The following APOC2 variants were observed in gnomAD, a reference collection of about 807,000 sequenced individuals.
APOC2 encodes the protein apolipoprotein C2, also known as apolipoprotein C-II.
APOC2 carries 6 observed loss-of-function variants against 10.2 expected under a neutral mutation model. The observed-to-expected ratio is 0.59, with a 90% CI of 0.32 to 1.16. The LOEUF is 1.16. Ranked by LOEUF, APOC2 falls within the 50% of genes most tolerant of loss-of-function variation. APOC2 has a pLI of 0.05. For synonymous variants in APOC2, 56 were observed against 48.5 expected (o/e 1.15, Z -0.64); for missense variants, 110 against 117.6 (o/e 0.94, Z 0.30).
intron 1 of APOC2, chr19:44,947,153 GA>G (rs113329239): frequency 9.4e-5 from 14 of 148,772 alleles, no homozygotes; most frequent in Non-Finnish European, 1.2e-4. Flanking sequence ...CCTTGTCTTG[GA>G]AAAAAAAAAA....
rs375614714 is a variant in APOC2, at chr19:44,949,270, G to T, written c.*21G>T. 11 of 1,605,022 alleles carry T rather than the reference G, an allele frequency of 6.9e-6. No homozygotes were observed. Among genetic ancestry groups the T allele is most frequent in the Non-Finnish European group, 9.4e-6 (11 of 1,173,764 alleles). On this transcript the variant is annotated 3_prime_UTR_variant, in exon 4 of 4. Transcript: ENST00000252490. ...AGTAACAGCCAGACCCCCCATCAGT[G>T]GACAAGGGGAGAGTCCCCTACTCCC...
intron 1 of APOC2, among the ~76,000 whole-genome samples, chr19:44,947,641 T>TAAAA (rs1970336577): frequency 6.6e-6 from 1 of 151,708 alleles, no homozygotes; most frequent in African/African-American, 2.4e-5. Flanking sequence ...TACAAAAGAA[T>TAAAA]AAAAATTAGC....
intron 1 of APOC2, chr19:44,947,093 G>C (rs1010545814): frequency 6.6e-6 from 1 of 151,888 alleles, no homozygotes; most frequent in East Asian, 1.9e-4. Context: ...CAGAGGTTGC[G>C]GTGAGCCAAA....
intron 1 of APOC2, among the ~76,000 whole-genome samples, 159 bp downstream of exon 1, chr19:44,946,234 T>TGTGTGTGTGTGTGTGTGTGTGAGA (rs1236986911): frequency 2.3e-5 from 3 of 132,834 alleles, no homozygotes; most frequent in African/African-American, 8.9e-5. Context: ...TGTGTGTGTG[T>TGTGTGTGTGTGTGTGTGTGTGAGA]GAGAGAGAGA....
chr19:44,948,944 C>T, intron 3 of APOC2, 84 bp downstream of exon 3: 1 of 1,577,500 alleles, frequency 6.3e-7, no homozygotes, highest in Admixed American at 1.7e-5. Flanking sequence ...CCAGCCCCTC[C>T]TCCCTCAGAC....
At chr19:44,946,442 A>T (rs764801813) in intron 1 of APOC2, among the ~76,000 whole-genome samples, 21 of 152,238 alleles carry the variant, frequency 1.4e-4, no homozygotes, top group African/African-American at 2.4e-4. Context: ...GGATCCCTTG[A>T]GCCCAGGAGT....
At position 44,948,551 on chromosome 19, in the gene APOC2, G is replaced by A. The variant is rs769051134; in HGVS notation, c.55+18G>A. ...GGGATTTGGTGAGTGTGGGCTTCCGGGGAGGGAAGCCTTGGGGAGGGGAAT... is the reference window on the plus strand; with the variant it reads ...GGGATTTGGTGAGTGTGGGCTTCCGAGGAGGGAAGCCTTGGGGAGGGGAAT... On this transcript the variant is annotated intron_variant, in intron 2 of 3. Coordinates refer to ENST00000252490, the MANE Select transcript of APOC2 (RefSeq NM_000483.5). 1 of 1,612,870 alleles carries A rather than the reference G, an allele frequency of 6.2e-7. No individual in the cohort carries two copies. The highest frequency in any genetic ancestry group is 1.3e-5 in the African/African-American group (1 of 74,862).
chr19:44,948,093 C>T (rs1197412730), intron 1 of APOC2, among the ~76,000 whole-genome samples: 1 of 149,686 alleles, frequency 6.7e-6, no homozygotes, highest in African/African-American at 2.5e-5. Flanking sequence ...CAAAAATCAG[C>T]CGGGTGGTGG....
Position 44,949,192 on chromosome 19 carries a change from C to G in APOC2, c.249C>G (p.Ser83Arg). ...DLYSKSTAAM[S>R]TYTGIFTDQV... is the part of the protein sequence containing the mutation. ...ACAGCAAAAGCACAGCAGCCATGAG[C>G]ACTTACACAGGCATTTTTACTGACC... The change falls in exon 4 of 4, where the codon AGC (serine) becomes AGG (arginine). Residue 83 changes from serine (S) to arginine (R), a missense_variant. Physicochemically the swap from Ser to Arg is moderately radical, Grantham distance 110 (BLOSUM62 -1). Transcript: ENST00000252490. The G allele has an allele frequency of 6.2e-7, 1 of 1,614,094 alleles. No individual in the cohort carries two copies. The highest frequency in any genetic ancestry group is 8.5e-7 in the Non-Finnish European group (1 of 1,180,008).
At chr19:44,947,576 G>C (rs971353740) in intron 1 of APOC2, among the ~76,000 whole-genome samples, 1 of 151,966 alleles carries the variant, frequency 6.6e-6, no homozygotes, top group East Asian at 1.9e-4. Context: ...TGGGAGGATC[G>C]CTTGAGCCCA....
intron 1 of APOC2, chr19:44,947,170 G>A (rs1970331520): frequency 6.6e-6 from 1 of 150,542 alleles, no homozygotes; most frequent in African/African-American, 2.5e-5. Flanking sequence ...AAAAAGAATT[G>A]TAGACCATTT....
intron 1 of APOC2, among the ~76,000 whole-genome samples, chr19:44,947,562 G>A (rs951948673): frequency 2.0e-5 from 3 of 152,058 alleles, no homozygotes; most frequent in Non-Finnish European, 4.4e-5. Flanking sequence ...TGGGGAGGCC[G>A]AGATGGGAGG....
In APOC2 at chr19:44,946,060, A is replaced by G. The variant is rs375551203; in HGVS notation, c.-29A>G. The G allele has an allele frequency of 3.3e-5, 5 of 152,498 alleles. No homozygotes were observed. Among genetic ancestry groups the G allele is most frequent in the African/African-American group, 1.2e-4 (5 of 41,568 alleles). The allele number at this position is 152,498 out of a possible 1,614,324, so 9.4% of individuals were successfully genotyped here. A position where few individuals can be genotyped will look rare whatever the true frequency, so the allele number is the denominator to read the frequency against. On this transcript the variant is annotated 5_prime_UTR_variant, in exon 1 of 4. Coordinates refer to ENST00000252490, the MANE Select transcript of APOC2 (RefSeq NM_000483.5). The stretch of plus-strand genomic sequence containing the variant: ...GTGCCCGTCCGGAGCTGGTGAGGAC[A>G]GCCTGCCAGAGTCTGGTAAGAAAGG...
At chr19:44,946,558 A>G (rs989410578) in intron 1 of APOC2, among the ~76,000 whole-genome samples, 1 of 152,138 alleles carries the variant, frequency 6.6e-6, no homozygotes, top group Non-Finnish European at 1.5e-5. Context: ...ACAATGGCTC[A>G]TGCCTGTAAT....
chr19:44,946,234 TGAGA>T (rs1555793404), intron 1 of APOC2, among the ~76,000 whole-genome samples, 159 bp downstream of exon 1: 1 of 132,836 alleles, frequency 7.5e-6, no homozygotes, highest in African/African-American at 3.0e-5. Context: ...TGTGTGTGTG[TGAGA>T]GAGAGAGAGA....
Position 44,948,485 on chromosome 19 carries a change from A to G in APOC2, c.7A>G (p.Thr3Ala). Reference protein sequence around the residue: MGTRLLPALFLVL... With the variant: MGARLLPALFLVL... Reference sequence around the variant, plus strand: ...TTCCAGGTCTCTGGACACTATGGGCACACGACTCCTCCCAGCTCTGTTTCT... The same window carrying G: ...TTCCAGGTCTCTGGACACTATGGGCGCACGACTCCTCCCAGCTCTGTTTCT... Residue 3 changes from threonine to alanine, a missense_variant, in exon 2 of 4, where the codon ACA becomes GCA. Transcript: ENST00000252490. 1.2e-6 allele frequency: 2 copies of G among 1,614,032 alleles called. No individual in the cohort carries two copies. The highest frequency in any genetic ancestry group is 1.7e-6 in the Non-Finnish European group (2 of 1,179,976).
Position 44,949,165 on chromosome 19 carries a change from G to A in APOC2, c.222G>A (p.Leu74=). 1 of 1,613,220 alleles carries A rather than the reference G, an allele frequency of 6.2e-7. No individual in the cohort carries two copies. Among genetic ancestry groups the A allele is most frequent in the Non-Finnish European group, 8.5e-7 (1 of 1,179,702 alleles). ...ATCTGTGCTTTCTCCCCAGGGACTT[G>A]TACAGCAAAAGCACAGCAGCCATGA... ...LPAVDEKLRD[L]YSKSTAAMST... Residue 74 remains leucine (L), a synonymous_variant, in exon 4 of 4, where the codon TTG becomes TTA. Transcript: ENST00000252490.
At position 44,949,285 on chromosome 19, in the gene APOC2, C is replaced by G; in HGVS notation, c.*36C>G. The G allele has an allele frequency of 6.5e-7, 1 of 1,534,758 alleles. No individual in the cohort carries two copies. Among genetic ancestry groups the G allele is most frequent in the Non-Finnish European group, 9.0e-7 (1 of 1,113,464 alleles). On this transcript the variant is annotated 3_prime_UTR_variant, in exon 4 of 4. Transcript: ENST00000252490. ...CCCCATCAGTGGACAAGGGGAGAGT[C>G]CCCTACTCCCCTGATCCCCCAGGTT...
In APOC2 at chr19:44,949,200, C is replaced by G. The variant is rs199687805; in HGVS notation, c.257C>G (p.Thr86Arg). Residue 86 changes from threonine (T) to arginine (R), a missense_variant, in exon 4 of 4, where the codon ACA (threonine) becomes AGA (arginine). Transcript: ENST00000252490. Reference protein sequence around the residue: ...SKSTAAMSTYTGIFTDQVLSV... With the variant: ...SKSTAAMSTYRGIFTDQVLSV... ...AGCACAGCAGCCATGAGCACTTACA[C>G]AGGCATTTTTACTGACCAAGTTCTT... is the stretch of plus-strand genomic sequence containing the variant. 4 of 1,614,002 alleles carry G rather than the reference C, an allele frequency of 2.5e-6. No homozygotes were observed. The African/African-American group carries it at 4.0e-5, about 16-fold the overall frequency.
Sources: allele counts gnomAD v4.1 joint callset (sites outside exome capture counted in the v4.1 genomes callset), GRCh38; gene constraint gnomAD v4.1.1; transcripts MANE v1.5; gene names NCBI Gene and HGNC (gene_info 2026-07-23, HGNC 2026-07-21).